The following COLEC12 variants were observed in gnomAD, a reference collection of about 807,000 sequenced individuals.
COLEC12 encodes collectin-12.
COLEC12 carries 33 observed loss-of-function variants against 71.1 expected under a neutral mutation model. That is an observed-to-expected ratio of 0.46 (90% CI 0.35 to 0.62). The LOEUF is 0.62. Among genes scored for constraint, COLEC12 ranks in the 20% least tolerant of loss-of-function variants. The probability of loss-of-function intolerance (pLI) is 0.00; values close to 1 mark genes in which losing one functional copy is unlikely to be tolerated. For missense variants in COLEC12, 765 were observed against 916.1 expected, an observed-to-expected ratio of 0.84 and a Z score of 2.13; for synonymous variants, 350 against 353.0, an observed-to-expected ratio of 0.99 and a Z score of 0.10.
chr18:321,820 CA>C lies in COLEC12; in HGVS notation c.2064-14del. On this transcript the variant is annotated splice_polypyrimidine_tract_variant and intron_variant, in intron 8 of 9. Transcript: ENST00000400256. ...AGCTTTCCAATTTCTTTTAGCAAAACAGAAATTGAATGTTATTTGCACAGTA... is the reference window on the plus strand; with the variant it reads ...AGCTTTCCAATTTCTTTTAGCAAAACGAAATTGAATGTTATTTGCACAGTA... 4 of 1,612,336 alleles carry C rather than the reference CA, an allele frequency of 2.5e-6. No homozygotes were observed. Among genetic ancestry groups the C allele is most frequent in the Non-Finnish European group, 3.4e-6 (4 of 1,179,292 alleles).
intron 2 of COLEC12, among the ~76,000 whole-genome samples, chr18:417,162 T>C (rs1018963009): frequency 6.6e-6 from 1 of 152,076 alleles, no homozygotes; most frequent in East Asian, 1.9e-4. Flanking sequence ...TACACAAACC[T>C]AGATGTATAG....
At chr18:420,171 T>C (rs1916068899) in intron 2 of COLEC12, among the ~76,000 whole-genome samples, 1 of 152,142 alleles carries the variant, frequency 6.6e-6, no homozygotes, top group South Asian at 2.1e-4. Context: ...GCAATAATAA[T>C]AATAATCAAT....
intron 2 of COLEC12, among the ~76,000 whole-genome samples, chr18:436,450 G>A (rs1916404764): frequency 6.8e-6 from 1 of 147,574 alleles, no homozygotes; most frequent in South Asian, 2.2e-4. Context: ...GGGAGGTGGA[G>A]GTTGCAGTGA....
At chr18:369,070 A>G (rs1421061215) in intron 2 of COLEC12, among the ~76,000 whole-genome samples, 2 of 152,314 alleles carry the variant, frequency 1.3e-5, no homozygotes, top group East Asian at 1.9e-4. Context: ...ACACCATTGA[A>G]ATCAGCAAAA....
intron 2 of COLEC12, among the ~76,000 whole-genome samples, chr18:446,628 G>A (rs1169126792): frequency 2.6e-5 from 4 of 151,248 alleles, no homozygotes; most frequent in Admixed American, 6.6e-5. Flanking sequence ...AGAATTGCTC[G>A]AGCCCAGGAG....
intron 2 of COLEC12, among the ~76,000 whole-genome samples, chr18:453,436 C>T (rs925612751): frequency 6.6e-6 from 1 of 152,128 alleles, no homozygotes; most frequent in Admixed American, 6.5e-5. Context: ...CCTCAGCTAC[C>T]CACATGCAGA....
Position 365,735 on chromosome 18 carries a change from T to G in COLEC12, c.59-8213A>C, listed in dbSNP as rs965150972. 3.3e-5 allele frequency among the ~76,000 whole-genome samples: 5 copies of G among 152,202 alleles called. No homozygotes were observed. In the East Asian group the frequency reaches 5.8e-4, roughly 18 times the overall value. On this transcript the variant is annotated intron_variant, in intron 2 of 9. Coordinates refer to ENST00000400256, the MANE Select transcript of COLEC12 (RefSeq NM_130386.3). Reference sequence around the variant, plus strand: ...GAATACACTGGCAAAAAATATTTTTTTCTTACCAATACCTCCTTGACCCTG... The same window carrying G: ...GAATACACTGGCAAAAAATATTTTTGTCTTACCAATACCTCCTTGACCCTG...
intron 2 of COLEC12, among the ~76,000 whole-genome samples, chr18:462,945 A>T (rs1917011237): frequency 6.6e-6 from 1 of 152,258 alleles, no homozygotes; most frequent in African/African-American, 2.4e-5. Context: ...ATTAAGAAAC[A>T]TAAAGTGTAA....
intron 1 of COLEC12, among the ~76,000 whole-genome samples, chr18:482,721 C>T (rs982052879): frequency 1.3e-5 from 2 of 152,136 alleles, no homozygotes; most frequent in Non-Finnish European, 1.5e-5. Flanking sequence ...AAGCGATTCT[C>T]CTGCCTCAGC....
intron 5 of COLEC12, among the ~76,000 whole-genome samples, chr18:336,985 T>C (rs949174424): frequency 7.2e-5 from 11 of 151,904 alleles, no homozygotes; most frequent in South Asian, 2.1e-4. Context: ...CTTCCTCCCA[T>C]GTAGCTGGGA....
In COLEC12 at chr18:334,850, C is replaced by A; in HGVS notation, c.1708G>T (p.Val570Leu). The A allele has an allele frequency of 6.6e-7, 1 of 1,523,376 alleles. No homozygotes were observed. The highest frequency in any genetic ancestry group is 8.7e-7 in the Non-Finnish European group (1 of 1,145,038). The allele number at this position is 1,523,376 out of a possible 1,614,324, so 94.4% of individuals were successfully genotyped here. The change falls in exon 6 of 10, where the codon GTA (valine) becomes TTA (leucine). Residue 570 changes from valine (V) to leucine (L), a missense_variant. Transcript: ENST00000400256. ...CCCTTGGGGCCTGGCATGCCTGGTA[C>A]CCCAGGCAAGCCTGGCAGTCCCCGA... The part of the protein sequence containing the change: ...GPRGLPGLPG[V>L]PGMPGPKGPP...
intron 2 of COLEC12, among the ~76,000 whole-genome samples, chr18:391,838 CCTT>C: frequency 6.6e-6 from 1 of 152,240 alleles, no homozygotes; most frequent in East Asian, 1.9e-4. Flanking sequence ...TCAAGTTTAT[CCTT>C]ATTATTTACA....
At position 346,217 on chromosome 18, in the gene COLEC12, A is replaced by C; in HGVS notation, c.1327+78T>G. 2.7e-6 allele frequency: 3 copies of C among 1,127,406 alleles called. No homozygotes were observed. The highest frequency in any genetic ancestry group is 1.3e-6 in the Non-Finnish European group (1 of 790,280). The allele number at this position is 1,127,406 out of a possible 1,614,324, so 69.8% of individuals were successfully genotyped here. On this transcript the variant is annotated intron_variant, in intron 5 of 9. Coordinates refer to ENST00000400256, the MANE Select transcript of COLEC12 (RefSeq NM_130386.3). The surrounding 1 kb of genome is among the most constrained non-coding windows in gnomAD (Gnocchi z 4.0). ...TGAGATGATGAATATTTATTGTTTT[A>C]AATTGCCAAGTTTTAGAGTAACTTG...
At chr18:334,606 C>A in intron 6 of COLEC12, 136 bp downstream of exon 6, 3 of 694,340 alleles carry the variant, frequency 4.3e-6, no homozygotes, top group Non-Finnish European at 6.3e-6. Flanking sequence ...CCAGCCTGGG[C>A]AACAGAGTGA....
At chr18:486,065 A>G (rs1917513188) in intron 1 of COLEC12, among the ~76,000 whole-genome samples, 1 of 152,264 alleles carries the variant, frequency 6.6e-6, no homozygotes, top group Admixed American at 6.5e-5. Flanking sequence ...CCTAAAGGAA[A>G]AAGATAAAGT....
At chr18:390,394 G>T (rs997144555) in intron 2 of COLEC12, among the ~76,000 whole-genome samples, 2 of 152,190 alleles carry the variant, frequency 1.3e-5, no homozygotes, top group African/African-American at 4.8e-5. Context: ...TGTTGTTGCT[G>T]TATGTTCCAT....
At chr18:477,187 C>A (rs114929840) in intron 2 of COLEC12, among the ~76,000 whole-genome samples, 1 of 152,150 alleles carries the variant, frequency 6.6e-6, no homozygotes, top group African/African-American at 2.4e-5. Flanking sequence ...TGCAGAAGAT[C>A]GTGCATTTTG....
rs1917393763 is a variant in COLEC12, at chr18:480,541, T to C, written c.58+166A>G. Among the ~76,000 whole-genome samples, 1 of 151,642 alleles carries C rather than the reference T, an allele frequency of 6.6e-6. No individual in the cohort carries two copies. Among genetic ancestry groups the C allele is most frequent in the African/African-American group, 2.4e-5 (1 of 41,254 alleles). On this transcript the variant is annotated intron_variant, in intron 2 of 9. Transcript: ENST00000400256. This position sits in a 1 kb window ranked among gnomAD's most constrained non-coding sequence, Gnocchi z 4.1. The stretch of plus-strand genomic sequence containing the variant: ...GGCCCCTCAGAATTGTGAGAAACCC[T>C]CCCCCTGGGACACAGACACTCACTT...
intron 2 of COLEC12, among the ~76,000 whole-genome samples, chr18:442,833 C>T (rs554738591): frequency 9.8e-5 from 15 of 152,300 alleles, no homozygotes; most frequent in South Asian, 2.1e-4. Flanking sequence ...TGGCGGCACG[C>T]GCCTGTAGTC....
Sources: gnomAD v4.1 joint callset for allele counts (sites outside exome capture counted in the v4.1 genomes callset) on GRCh38, gnomAD v4.1.1 for gene constraint, Gnocchi (gnomAD v3.1) non-coding constraint, MANE v1.5 for transcripts, NCBI Gene and HGNC (gene_info 2026-07-23, HGNC 2026-07-21) for gene names.